EPM2A: variants seen among roughly 807,000 people sequenced by gnomAD.
The protein encoded by EPM2A is laforin.
Under a neutral mutation model 26.5 loss-of-function variants are expected in EPM2A, and 21 were observed. That is an observed-to-expected ratio of 0.79 (90% CI 0.56 to 1.14). The LOEUF (loss-of-function observed/expected upper bound fraction) is 1.14. EPM2A is among the 50% of genes most tolerant of loss of function. EPM2A has a pLI of 0.00. For missense variants in EPM2A, 458 were observed against 440.8 expected (o/e 1.04, Z -0.35); for synonymous variants, 217 against 177.6 (o/e 1.22, Z -1.76).
intron 2 of EPM2A, among the ~76,000 whole-genome samples, chr6:145,683,456 A>G (rs1291104640): frequency 6.6e-6 from 1 of 151,870 alleles, no homozygotes; most frequent in East Asian, 1.9e-4. Context: ...CTTGCAGTGG[A>G]TAACAGGTTG....
At chr6:145,575,154 C>T (rs1473878736) in intron 2 of EPM2A, among the ~76,000 whole-genome samples, 1 of 152,120 alleles carries the variant, frequency 6.6e-6, no homozygotes, top group Non-Finnish European at 1.5e-5. Flanking sequence ...TTTATTTTCT[C>T]AGACAAAGGT....
intron 1 of EPM2A, among the ~76,000 whole-genome samples, chr6:145,701,832 G>T (rs76211262): frequency 6.6e-6 from 1 of 151,980 alleles, no homozygotes; most frequent in Non-Finnish European, 1.5e-5. Flanking sequence ...AATTGCAACT[G>T]ATTTTTATTT....
intron 2 of EPM2A, among the ~76,000 whole-genome samples, chr6:145,509,708 C>T (rs971622770): frequency 5.3e-5 from 8 of 152,040 alleles, no homozygotes; most frequent in South Asian, 2.1e-4. Flanking sequence ...AAAAGCACTA[C>T]GAAAGGAACA....
intron 2 of EPM2A, among the ~76,000 whole-genome samples, chr6:145,609,083 A>T (rs1204300106): frequency 1.3e-5 from 2 of 152,132 alleles, no homozygotes; most frequent in East Asian, 3.9e-4. Flanking sequence ...GTGGGAGAGG[A>T]GGTGATGGTA....
intron 2 of EPM2A, among the ~76,000 whole-genome samples, chr6:145,554,254 G>C (rs912569444): frequency 6.6e-6 from 1 of 151,932 alleles, no homozygotes; most frequent in Non-Finnish European, 1.5e-5. Flanking sequence ...GTATGATGTA[G>C]TAATTTAAAG....
chr6:145,637,414 G>A (rs1256552450), intron 2 of EPM2A: 1 of 151,718 alleles, frequency 6.6e-6, no homozygotes, highest in Non-Finnish European at 1.5e-5. Context: ...TATCTCATAA[G>A]ATCTGGCACT....
At chr6:145,510,722 G>C (rs2114762497) in intron 2 of EPM2A, among the ~76,000 whole-genome samples, 1 of 151,938 alleles carries the variant, frequency 6.6e-6, no homozygotes, top group Non-Finnish European at 1.5e-5. Context: ...AAACCAAAAA[G>C]ACTAAACACA....
intron 2 of EPM2A, chr6:145,638,082 A>G (rs1390593709): frequency 6.6e-6 from 1 of 152,232 alleles, no homozygotes; most frequent in Non-Finnish European, 1.5e-5. Flanking sequence ...CAAAATTTTA[A>G]AGAGGACTGG....
chr6:145,513,738 T>C (rs1780087029), intron 2 of EPM2A, among the ~76,000 whole-genome samples: 1 of 152,216 alleles, frequency 6.6e-6, no homozygotes, highest in Admixed American at 6.5e-5. Flanking sequence ...TTATAAACTG[T>C]AGTTTTAGAA....
chr6:145,461,172 T>C (rs923297236), intron 4 of EPM2A, among the ~76,000 whole-genome samples: 9 of 152,316 alleles, frequency 5.9e-5, no homozygotes, highest in Admixed American at 4.6e-4. Context: ...ACAATATTTC[T>C]AGCCCAAAGC....
chr6:145,515,736 A>G (rs1177517803), intron 2 of EPM2A, among the ~76,000 whole-genome samples: 1 of 152,208 alleles, frequency 6.6e-6, no homozygotes, highest in African/African-American at 2.4e-5. Context: ...CATTCAAACC[A>G]CAGTAAGGCA....
intron 3 of EPM2A, chr6:145,634,551 G>C (rs9399561): frequency 0.37 from 56,394 of 152,462 alleles, 10,894 homozygotes; most frequent in South Asian, 0.51. Context: ...TCGTCTTACT[G>C]TACAACTGCT....
chr6:145,583,725 G>A lies in EPM2A; in HGVS notation c.340+51520C>T, dbSNP rs192729512. ...GTGCACTGTCAGGAATGGGACAGACGCATCCATGCATGCATTCACAGTGGT... is the reference window on the plus strand; with the variant it reads ...GTGCACTGTCAGGAATGGGACAGACACATCCATGCATGCATTCACAGTGGT... On this transcript the variant is annotated intron_variant, in intron 2 of 3. Coordinates refer to the EPM2A transcript ENST00000450221. 2.3e-4 allele frequency among the ~76,000 whole-genome samples: 35 copies of A among 152,338 alleles called. No individual in the cohort carries two copies. In the East Asian group the frequency reaches 5.8e-3, roughly 25 times the overall value.
At chr6:145,471,708 G>T (rs957605497) in intron 4 of EPM2A, among the ~76,000 whole-genome samples, 2 of 152,142 alleles carry the variant, frequency 1.3e-5, no homozygotes, top group African/African-American at 2.4e-5. Flanking sequence ...ATTTAAATCA[G>T]CCCTAGTCAG....
At chr6:145,612,071 T>C (rs1775403740) in intron 2 of EPM2A, among the ~76,000 whole-genome samples, 1 of 152,202 alleles carries the variant, frequency 6.6e-6, no homozygotes, top group Non-Finnish European at 1.5e-5. Context: ...TTAGAGTATC[T>C]TAATTTCCAA....
intron 2 of EPM2A, among the ~76,000 whole-genome samples, chr6:145,546,385 G>T (rs1780583716): frequency 6.6e-6 from 1 of 152,128 alleles, no homozygotes; most frequent in Non-Finnish European, 1.5e-5. Context: ...CTATCTGGGT[G>T]CTCAGTTTAT....
At chr6:145,619,769 A>G (rs975624242) in intron 2 of EPM2A, among the ~76,000 whole-genome samples, 1 of 152,272 alleles carries the variant, frequency 6.6e-6, no homozygotes, top group Non-Finnish European at 1.5e-5. Flanking sequence ...AAAACAACTC[A>G]TAATTATAGT....
At chr6:145,487,299 C>T (rs145390507) in intron 4 of EPM2A, among the ~76,000 whole-genome samples, 1 of 152,184 alleles carries the variant, frequency 6.6e-6, no homozygotes, top group Non-Finnish European at 1.5e-5. Flanking sequence ...CTACAATGAA[C>T]ATATGTGTGC....
chr6:145,495,856 T>A (rs1409601892), intron 4 of EPM2A, among the ~76,000 whole-genome samples: 1 of 152,226 alleles, frequency 6.6e-6, no homozygotes, highest in African/African-American at 2.4e-5. Context: ...ATTACAGGCG[T>A]GAGCCACTGC....
Sources: allele counts gnomAD v4.1 joint callset (sites outside exome capture counted in the v4.1 genomes callset), GRCh38; gene constraint gnomAD v4.1.1; transcripts MANE v1.5; gene names NCBI Gene and HGNC (gene_info 2026-07-23, HGNC 2026-07-21).